Variants in RPS6KC1 observed in about 807,000 individuals in gnomAD.
The protein encoded by RPS6KC1 is inactive ribosomal protein S6 kinase delta-1.
In RPS6KC1, 54 loss-of-function variants were observed where a neutral mutation model predicts 103.8. That is an observed-to-expected ratio of 0.52 (90% CI 0.42 to 0.65). The LOEUF (loss-of-function observed/expected upper bound fraction) is 0.65. Ranked by LOEUF, RPS6KC1 falls within the 30% of genes least tolerant of loss-of-function variation. The pLI is 0.00. For missense variants in RPS6KC1, 1,151 were observed against 1,253.8 expected, an observed-to-expected ratio of 0.92 and a Z score of 1.24; for synonymous variants, 439 against 438.7, an observed-to-expected ratio of 1.00 and a Z score of -0.01.
the RPS6KC1 span, among the ~76,000 whole-genome samples, chr1:213,403,127 C>A: frequency 8.7e-5 from 13 of 149,678 alleles, no homozygotes; most frequent in Non-Finnish European, 1.3e-4. Flanking sequence ...GACTCCGTCT[C>A]AAAAAAAAAT....
chr1:213,558,202 C>A, the RPS6KC1 span, among the ~76,000 whole-genome samples: 10 of 152,210 alleles, frequency 6.6e-5, no homozygotes, highest in Non-Finnish European at 1.3e-4. Flanking sequence ...TATGGCACAT[C>A]TTTGCAGATA....
the RPS6KC1 span, among the ~76,000 whole-genome samples, chr1:213,715,088 T>C: frequency 6.6e-6 from 1 of 152,138 alleles, no homozygotes; most frequent in Non-Finnish European, 1.5e-5. Context: ...TTTGCTGAGA[T>C]TCTTATTTAG....
At chr1:213,753,916 G>A in the RPS6KC1 span, among the ~76,000 whole-genome samples, 1 of 152,146 alleles carries the variant, frequency 6.6e-6, no homozygotes, top group Admixed American at 6.5e-5. Flanking sequence ...ACAGGCAAGC[G>A]CTGGAGAAGG....
At chr1:213,494,059 T>C in the RPS6KC1 span, among the ~76,000 whole-genome samples, 3 of 152,078 alleles carry the variant, frequency 2.0e-5, no homozygotes, top group Non-Finnish European at 4.4e-5. Flanking sequence ...GCACCCTAAA[T>C]GTGATAACTC....
At chr1:213,168,456 G>A (rs1283335197) in intron 7 of RPS6KC1, among the ~76,000 whole-genome samples, 1 of 152,188 alleles carries the variant, frequency 6.6e-6, no homozygotes, top group African/African-American at 2.4e-5. Flanking sequence ...AAACGCAGAT[G>A]AATACTGAAA....
At chr1:213,847,288 T>A in the RPS6KC1 span, among the ~76,000 whole-genome samples, 1 of 152,168 alleles carries the variant, frequency 6.6e-6, no homozygotes, top group African/African-American at 2.4e-5. Flanking sequence ...AAAGGGTCCT[T>A]AATGGACACA....
intron 3 of RPS6KC1, among the ~76,000 whole-genome samples, chr1:213,091,428 G>A (rs1395601778): frequency 6.6e-6 from 1 of 152,108 alleles, no homozygotes; most frequent in East Asian, 1.9e-4. Flanking sequence ...AACTTGATGT[G>A]TGGTAATTTC....
At chr1:213,701,653 G>A in the RPS6KC1 span, among the ~76,000 whole-genome samples, 1 of 151,930 alleles carries the variant, frequency 6.6e-6, no homozygotes, top group African/African-American at 2.4e-5. Context: ...GGTTGTATGT[G>A]TCTAGGTATT....
the RPS6KC1 span, among the ~76,000 whole-genome samples, chr1:213,642,926 C>T: frequency 3.0e-4 from 45 of 151,906 alleles, no homozygotes; most frequent in African/African-American, 1.1e-3. Flanking sequence ...ATTTTTCTAA[C>T]ACCATTTATT....
At chr1:213,858,547 C>A in the RPS6KC1 span, among the ~76,000 whole-genome samples, 2 of 152,260 alleles carry the variant, frequency 1.3e-5, no homozygotes, top group South Asian at 4.1e-4. Context: ...TGCACAGATA[C>A]AAAGACATCT....
chr1:213,408,292 C>G, the RPS6KC1 span, among the ~76,000 whole-genome samples: 1 of 152,226 alleles, frequency 6.6e-6, no homozygotes, highest in Non-Finnish European at 1.5e-5. Context: ...CACCCCTTCA[C>G]TGCTGATGGG....
the RPS6KC1 span, among the ~76,000 whole-genome samples, chr1:213,559,977 C>G: frequency 2.0e-3 from 301 of 152,076 alleles, 1 homozygote; most frequent in African/African-American, 6.9e-3. Context: ...TAATAAGCTA[C>G]TTATAGTATT....
chr1:213,629,954 C>T, the RPS6KC1 span, among the ~76,000 whole-genome samples: 6 of 152,308 alleles, frequency 3.9e-5, no homozygotes, highest in African/African-American at 1.4e-4. Context: ...GAGAGATCAG[C>T]GCTTAGTCTG....
At chr1:213,402,840 G>A in the RPS6KC1 span, among the ~76,000 whole-genome samples, 1 of 151,846 alleles carries the variant, frequency 6.6e-6, no homozygotes, top group Non-Finnish European at 1.5e-5. Flanking sequence ...AACACATCAC[G>A]GGGTAATTAA....
the RPS6KC1 span, among the ~76,000 whole-genome samples, chr1:213,315,748 G>A: frequency 1.4e-3 from 215 of 152,260 alleles, no homozygotes; most frequent in Non-Finnish European, 2.8e-3. Context: ...CAGATGACTT[G>A]CTCTATTAGC....
At chr1:213,631,577 A>C in the RPS6KC1 span, among the ~76,000 whole-genome samples, 1 of 152,064 alleles carries the variant, frequency 6.6e-6, no homozygotes, top group African/African-American at 2.4e-5. Flanking sequence ...TCTATACAAA[A>C]ATTATAATCA....
chr1:213,291,859 C>T, the RPS6KC1 span, among the ~76,000 whole-genome samples: 1 of 152,156 alleles, frequency 6.6e-6, no homozygotes, highest in African/African-American at 2.4e-5. Flanking sequence ...AGGTTTTCTT[C>T]TAGGGTTTTT....
At chr1:213,786,992 A>G in the RPS6KC1 span, among the ~76,000 whole-genome samples, 2 of 152,214 alleles carry the variant, frequency 1.3e-5, no homozygotes, top group Admixed American at 6.5e-5. Flanking sequence ...AATGAGAATG[A>G]AAGGGAGATT....
the RPS6KC1 span, among the ~76,000 whole-genome samples, chr1:213,447,306 G>A: frequency 6.6e-5 from 10 of 151,944 alleles, no homozygotes; most frequent in South Asian, 4.2e-4. Flanking sequence ...GGCCTCAAGC[G>A]ATCCTCACAC....
Sources: allele counts gnomAD v4.1 joint callset (sites outside exome capture counted in the v4.1 genomes callset), GRCh38; gene constraint gnomAD v4.1.1; transcripts MANE v1.5; gene names NCBI Gene and HGNC (gene_info 2026-07-23, HGNC 2026-07-21).